Variants in CPNE8 observed in about 807,000 individuals in gnomAD.
CPNE8 encodes the protein copine 8.
A neutral mutation model predicts 81.5 loss-of-function variants in CPNE8; 45 were observed. The ratio of observed to expected loss-of-function variants is 0.55; its 90% CI spans 0.44 to 0.71. The LOEUF (loss-of-function observed/expected upper bound fraction) is 0.71. Among genes scored for constraint, CPNE8 ranks in the 30% least tolerant of loss-of-function variants. The pLI is 0.00. For missense variants in CPNE8, 594 were observed against 672.1 expected, an observed-to-expected ratio of 0.88 and a Z score of 1.28; for synonymous variants, 252 against 226.3, an observed-to-expected ratio of 1.11 and a Z score of -1.02.
At chr12:38,717,081 T>A (rs8181763) in intron 13 of CPNE8, among the ~76,000 whole-genome samples, 2 of 151,662 alleles carry the variant, frequency 1.3e-5, no homozygotes, top group Non-Finnish European at 2.9e-5. Flanking sequence ...ATTAAAACCA[T>A]GATGAGATAC....
intron 1 of CPNE8, among the ~76,000 whole-genome samples, chr12:38,881,321 TAAC>T (rs572622230): frequency 1.0e-3 from 152 of 152,264 alleles, no homozygotes; most frequent in South Asian, 3.9e-3. Flanking sequence ...GGAAAGTACT[TAAC>T]AAGATTATCT....
intron 1 of CPNE8, among the ~76,000 whole-genome samples, chr12:38,894,658 A>G (rs1321234530): frequency 8.0e-6 from 1 of 124,460 alleles, no homozygotes; most frequent in African/African-American, 3.2e-5. Context: ...ACTCCAGCTC[A>G]CTCTCTCTCT....
intron 6 of CPNE8, among the ~76,000 whole-genome samples, chr12:38,822,766 T>TA (rs145681488): frequency 2.6e-5 from 4 of 151,732 alleles, no homozygotes; most frequent in South Asian, 2.1e-4. Flanking sequence ...CCCATAGACA[T>TA]AAAAAAAAGT....
chr12:38,677,224 T>TC (rs1939309389), intron 17 of CPNE8, among the ~76,000 whole-genome samples: 2 of 152,010 alleles, frequency 1.3e-5, no homozygotes, highest in Non-Finnish European at 2.9e-5. Context: ...TCTTTTTTTT[T>TC]CTTTAGGCAA....
chr12:38,731,959 C>G (rs1341325524), intron 10 of CPNE8, among the ~76,000 whole-genome samples: 1 of 151,814 alleles, frequency 6.6e-6, no homozygotes, highest in East Asian at 1.9e-4. Context: ...CCATCCTCCT[C>G]CATTGCTATG....
intron 13 of CPNE8, chr12:38,720,701 T>C (rs1377922822): frequency 1.3e-5 from 2 of 152,346 alleles, no homozygotes; most frequent in East Asian, 3.9e-4. Context: ...CAGACAGCCT[T>C]ACGCTGCCAT....
At chr12:38,799,355 C>A (rs960156014) in intron 6 of CPNE8, among the ~76,000 whole-genome samples, 1 of 152,094 alleles carries the variant, frequency 6.6e-6, no homozygotes, top group Non-Finnish European at 1.5e-5. Context: ...TCTCTCAGAC[C>A]ACAGTGCAAT....
At position 38,760,905 on chromosome 12, in the gene CPNE8, C is replaced by T. The variant is rs758204942; in HGVS notation, c.681-17G>A. ...TTGATTGTTCTGTACATGAGAAAAA[C>T]ATACACATAAAGTTACTTAGTAAGA... is the stretch of plus-strand genomic sequence containing the variant. On this transcript the variant is annotated splice_polypyrimidine_tract_variant and intron_variant, in intron 9 of 19. Transcript: ENST00000331366. 3.2e-6 allele frequency: 5 copies of T among 1,539,800 alleles called. No individual in the cohort carries two copies. The Admixed American group carries it at 9.4e-5, about 29-fold the overall frequency.
At chr12:38,707,406 T>C (rs1301893382) in intron 13 of CPNE8, among the ~76,000 whole-genome samples, 1 of 151,356 alleles carries the variant, frequency 6.6e-6, no homozygotes, top group East Asian at 1.9e-4. Flanking sequence ...ATGTAGACTA[T>C]GTACAATAAA....
intron 3 of CPNE8, among the ~76,000 whole-genome samples, chr12:38,853,978 C>G (rs548726628): frequency 1.4e-4 from 21 of 152,106 alleles, no homozygotes; most frequent in African/African-American, 5.1e-4. Flanking sequence ...GAAAAAAGGT[C>G]ATCTGAACAA....
chr12:38,767,646 A>T lies in CPNE8; in HGVS notation c.564T>A (p.Asn188Lys). Reference sequence around the variant, plus strand: ...AAAGATAAATCTACCTGCCATCTTCATTACTTCGATAAAATACAAGGAAAG... The same window carrying T: ...AAAGATAAATCTACCTGCCATCTTCTTTACTTCGATAAAATACAAGGAAAG... ...SDPFLVFYRS[N>K]EDGSFTICHK... The change falls in exon 8 of 20, where the codon AAT becomes AAA. Residue 188 changes from asparagine (N) to lysine (K), a missense_variant. By Grantham distance (94) the Asn-to-Lys change is moderately conservative (BLOSUM62 0). Transcript: ENST00000331366. 6.4e-7 allele frequency: 1 copy of T among 1,555,872 alleles called. No individual in the cohort carries two copies. The highest frequency in any genetic ancestry group is 8.6e-7 in the Non-Finnish European group (1 of 1,156,804).
At chr12:38,749,339 T>A (rs1198228133) in intron 10 of CPNE8, among the ~76,000 whole-genome samples, 1 of 152,218 alleles carries the variant, frequency 6.6e-6, no homozygotes, top group Non-Finnish European at 1.5e-5. Context: ...AGGTATGTCT[T>A]TATCAGCAGC....
chr12:38,691,565 T>G (rs1939676756), intron 15 of CPNE8, among the ~76,000 whole-genome samples: 2 of 151,928 alleles, frequency 1.3e-5, no homozygotes, highest in African/African-American at 2.4e-5. Flanking sequence ...TTACTGAAGT[T>G]GAAACATTAT....
intron 15 of CPNE8, among the ~76,000 whole-genome samples, chr12:38,691,501 C>T (rs1033155013): frequency 6.6e-6 from 1 of 151,946 alleles, no homozygotes; most frequent in Non-Finnish European, 1.5e-5. Flanking sequence ...CTGTCTTATC[C>T]AAAAGAAAAA....
intron 7 of CPNE8, among the ~76,000 whole-genome samples, chr12:38,775,855 G>A (rs1941922534): frequency 6.6e-6 from 1 of 152,114 alleles, no homozygotes; most frequent in African/African-American, 2.4e-5. Flanking sequence ...TACAAATGGG[G>A]TAAACTCAAA....
chr12:38,863,865 C>A (rs1943876240), intron 3 of CPNE8, among the ~76,000 whole-genome samples: 1 of 151,996 alleles, frequency 6.6e-6, no homozygotes, highest in Non-Finnish European at 1.5e-5. Context: ...TCCTGGCTAA[C>A]ACGGTGAAAC....
chr12:38,866,152 T>A (rs948536086), intron 3 of CPNE8, among the ~76,000 whole-genome samples: 1 of 152,232 alleles, frequency 6.6e-6, no homozygotes, highest in African/African-American at 2.4e-5. Context: ...ATAAAATATA[T>A]TGGCTTTACT....
chr12:38,898,774 CT>C (rs1383567515), intron 1 of CPNE8, among the ~76,000 whole-genome samples: 3 of 152,186 alleles, frequency 2.0e-5, no homozygotes, highest in African/African-American at 7.2e-5. Context: ...GCACAGGTAT[CT>C]ACCTCAGACA....
At chr12:38,852,256 C>T (rs143621342) in intron 3 of CPNE8, among the ~76,000 whole-genome samples, 11,238 of 151,848 alleles carry the variant, frequency 0.074, 1,100 homozygotes, top group African/African-American at 0.23. Context: ...GGAGAAACCC[C>T]GTCTCTACTA....
Sources: allele counts gnomAD v4.1 joint callset (sites outside exome capture counted in the v4.1 genomes callset), GRCh38; gene constraint gnomAD v4.1.1; transcripts MANE v1.5; gene names NCBI Gene and HGNC (gene_info 2026-07-23, HGNC 2026-07-21).